The following PCDH15 variants were observed in gnomAD, a reference collection of about 807,000 sequenced individuals.
PCDH15 encodes protocadherin-15.
A neutral mutation model predicts 178.5 loss-of-function variants in PCDH15; 129 were observed. That is an observed-to-expected ratio of 0.72 (90% CI 0.63 to 0.84). The LOEUF (loss-of-function observed/expected upper bound fraction) is 0.84, where lower values mean the gene tolerates loss of function less well. Ranked by LOEUF, PCDH15 falls within the 40% of genes least tolerant of loss-of-function variation. PCDH15 has a pLI of 0.00. For synonymous variants in PCDH15, 800 were observed against 732.0 expected (o/e 1.09, Z -1.50); for missense variants, 2,230 against 2,099.9 (o/e 1.06, Z -1.21).
chr10:55,214,750 C>T (rs1392397023), intron 1 of PCDH15, among the ~76,000 whole-genome samples: 1 of 151,830 alleles, frequency 6.6e-6, no homozygotes, highest in Non-Finnish European at 1.5e-5. Flanking sequence ...TAGCTGGGAC[C>T]AAAGGTACAT....
chr10:55,455,024 T>G (rs1038083599), intron 2 of PCDH15, among the ~76,000 whole-genome samples: 1 of 152,088 alleles, frequency 6.6e-6, no homozygotes, highest in Non-Finnish European at 1.5e-5. Flanking sequence ...ATGTAAGTGC[T>G]TACAAATAGT....
At position 55,437,468 on chromosome 10, in the gene PCDH15, TCA is replaced by T. The variant is rs562165903; in HGVS notation, c.-156+190155_-156+190156del. Among the ~76,000 whole-genome samples the T allele has an allele frequency of 8.7e-4, 132 of 152,242 alleles. No homozygotes were observed. In the South Asian group the frequency reaches 0.012, roughly 14 times the overall value. On this transcript the variant is annotated intron_variant, in intron 2 of 5. Transcript: ENST00000613346. The stretch of plus-strand genomic sequence containing the variant: ...GCTTGGAAAGTGTGGAGGTTCAAGC[TCA>T]CAGTTTTGGAAAAGAGGCACCTTGG...
intron 2 of PCDH15, among the ~76,000 whole-genome samples, chr10:55,538,377 CCTTCCTTCCTTCCTTCCTTT>C (rs1841634456): frequency 6.8e-6 from 1 of 146,784 alleles, no homozygotes; most frequent in African/African-American, 2.5e-5. Context: ...GAAAGCTTTT[CCTTCCTTCCTTCCTTCCTTT>C]CTTCCTTCCT....
chr10:54,331,537 G>T (rs1028755273), intron 6 of PCDH15, among the ~76,000 whole-genome samples: 1 of 151,922 alleles, frequency 6.6e-6, no homozygotes, highest in Non-Finnish European at 1.5e-5. Flanking sequence ...TATGAGTGGG[G>T]CTGGCATTAT....
At position 55,410,486 on chromosome 10, in the gene PCDH15, C is replaced by A. The variant is rs116676678; in HGVS notation, c.-156+217139G>T. Among the ~76,000 whole-genome samples the A allele has an allele frequency of 7.3e-3, 1,110 of 152,132 alleles. 11 individuals are homozygous for A. The highest frequency in any genetic ancestry group is 0.024 in the African/African-American group (992 of 41,524). On this transcript the variant is annotated intron_variant, in intron 2 of 5. Transcript: ENST00000613346. Reference sequence around the variant, plus strand: ...AATAAATAGCTTTGTAAATTCTATCCGTAATCAAAGCTGATTTGCTGCAGG... The same window carrying A: ...AATAAATAGCTTTGTAAATTCTATCAGTAATCAAAGCTGATTTGCTGCAGG...
intron 2 of PCDH15, among the ~76,000 whole-genome samples, chr10:55,610,518 G>T (rs1417145246): frequency 1.3e-5 from 2 of 151,974 alleles, no homozygotes; most frequent in Non-Finnish European, 2.9e-5. Context: ...TTTGGTAGAT[G>T]GTAAAGGATA....
At chr10:55,406,447 T>C (rs895401802) in intron 2 of PCDH15, among the ~76,000 whole-genome samples, 9 of 152,212 alleles carry the variant, frequency 5.9e-5, no homozygotes, top group African/African-American at 1.9e-4. Flanking sequence ...TAAAAATATT[T>C]TGAGAGATTT....
chr10:54,709,540 G>T (rs994721539), intron 1 of PCDH15, among the ~76,000 whole-genome samples: 3 of 146,046 alleles, frequency 2.1e-5, no homozygotes, highest in African/African-American at 7.5e-5. Flanking sequence ...TTTAGTATAT[G>T]CCTGGCACAA....
intron 25 of PCDH15, among the ~76,000 whole-genome samples, chr10:53,924,459 T>TC (rs1210077662): frequency 2.0e-5 from 3 of 151,612 alleles, no homozygotes; most frequent in African/African-American, 4.8e-5. Flanking sequence ...TGCTGGAGTG[T>TC]CCCCCCGCCG....
At chr10:54,403,303 C>A (rs1952176858) in intron 3 of PCDH15, among the ~76,000 whole-genome samples, 1 of 151,872 alleles carries the variant, frequency 6.6e-6, no homozygotes. Context: ...AGGAAATAAG[C>A]CATCTCCATA....
At position 55,225,107 on chromosome 10, in the gene PCDH15, AC is replaced by A. The variant is rs532291755; in HGVS notation, c.-155-58457del. ...TTAGAGTGTAAGCTCATGAGAAGAA[AC>A]TTTTTTTTTTTGGTTATCTTCACTA... On this transcript the variant is annotated intron_variant, in intron 1 of 5. Coordinates refer to the PCDH15 transcript ENST00000458638. Among the ~76,000 whole-genome samples the A allele has an allele frequency of 3.1e-3, 475 of 151,910 alleles. 9 individuals carry two copies. The highest frequency in any genetic ancestry group is 0.011 in the African/African-American group (441 of 41,364).
intron 2 of PCDH15, among the ~76,000 whole-genome samples, chr10:54,989,197 A>G (rs1203160954): frequency 6.6e-6 from 1 of 152,218 alleles, no homozygotes; most frequent in Non-Finnish European, 1.5e-5. Flanking sequence ...CTGGATGCCC[A>G]GGCAGAAGTT....
At chr10:53,919,801 G>C (rs1226003616) in intron 25 of PCDH15, among the ~76,000 whole-genome samples, 2 of 152,062 alleles carry the variant, frequency 1.3e-5, no homozygotes, top group African/African-American at 4.8e-5. Flanking sequence ...TAGGTATTAG[G>C]TATTTAGGTA....
Position 54,825,021 on chromosome 10 carries a change from C to G in PCDH15, c.-29+72429G>C, listed in dbSNP as rs187300083. Among the ~76,000 whole-genome samples the G allele has an allele frequency of 1.7e-3, 265 of 152,198 alleles. 3 individuals are homozygous for G. The highest frequency in any genetic ancestry group is 2.9e-3 in the Admixed American group (44 of 15,268). On this transcript the variant is annotated intron_variant, in intron 3 of 5. Transcript: ENST00000458638. ...TATATCTCCCAATGCTATCCCTCCC[C>G]CCTCCTCCCACCCCACAACAGTCTC...
intron 2 of PCDH15, among the ~76,000 whole-genome samples, chr10:55,153,156 C>T (rs1838785323): frequency 1.3e-5 from 2 of 152,064 alleles, no homozygotes; most frequent in Non-Finnish European, 2.9e-5. Context: ...GTTACCCACA[C>T]CTATGACTTC....
At chr10:54,157,138 G>A (rs2045239761) in intron 13 of PCDH15, among the ~76,000 whole-genome samples, 1 of 152,208 alleles carries the variant, frequency 6.6e-6, no homozygotes, top group African/African-American at 2.4e-5. Context: ...CTGGAGGACA[G>A]TGGCACTCTT....
At chr10:55,316,535 A>G (rs908608542) in intron 1 of PCDH15, among the ~76,000 whole-genome samples, 1 of 152,158 alleles carries the variant, frequency 6.6e-6, no homozygotes, top group South Asian at 2.1e-4. Flanking sequence ...TCTTTTAAAG[A>G]ATCTATCATT....
intron 2 of PCDH15, among the ~76,000 whole-genome samples, chr10:54,945,736 C>A (rs1223142503): frequency 1.3e-5 from 2 of 151,746 alleles, no homozygotes; most frequent in East Asian, 1.9e-4. Flanking sequence ...TTTATTCATT[C>A]ATTCTTTAAG....
intron 2 of PCDH15, among the ~76,000 whole-genome samples, chr10:54,645,236 A>G (rs1334578647): frequency 6.6e-6 from 1 of 152,138 alleles, no homozygotes; most frequent in Non-Finnish European, 1.5e-5. Flanking sequence ...TTGATATGCA[A>G]AAATTATTGG....
Sources: allele counts gnomAD v4.1 joint callset (sites outside exome capture counted in the v4.1 genomes callset), GRCh38; gene constraint gnomAD v4.1.1; transcripts MANE v1.5; gene names NCBI Gene and HGNC (gene_info 2026-07-23, HGNC 2026-07-21).